Variants in GEMIN5 observed in about 807,000 individuals in gnomAD.
GEMIN5 encodes gem nuclear organelle associated protein 5.
A neutral mutation model predicts 176.9 loss-of-function variants in GEMIN5; 124 were observed. The observed-to-expected ratio is 0.70, with a 90% confidence interval of 0.61 to 0.81. The LOEUF is 0.81. Among genes scored for constraint, GEMIN5 ranks in the 40% least tolerant of loss-of-function variants. GEMIN5 has a pLI of 0.00. For synonymous variants in GEMIN5, 673 were observed against 665.2 expected (o/e 1.01, Z -0.18); for missense variants, 1,843 against 1,814.6 (o/e 1.02, Z -0.28).
At chr5:154,924,716 G>A (rs1312483397) in intron 8 of GEMIN5, among the ~76,000 whole-genome samples, 162 bp from the exon 9 acceptor site, 2 of 152,184 alleles carry the variant, frequency 1.3e-5, no homozygotes, top group Admixed American at 6.5e-5. Flanking sequence ...TCGGCCGGGC[G>A]CAGTGGCTCA....
In GEMIN5 at chr5:154,917,946, A is replaced by G; in HGVS notation, c.1658T>C (p.Leu553Pro). 6.2e-7 allele frequency: 1 copy of G among 1,609,756 alleles called. No individual in the cohort carries two copies. Among genetic ancestry groups the G allele is most frequent in the Non-Finnish European group, 8.5e-7 (1 of 1,176,120 alleles). Residue 553 changes from leucine to proline, a missense_variant, in exon 12 of 28, where the codon CTT (leucine) becomes CCT (proline). By Grantham distance (98) the Leu-to-Pro change is moderately conservative. Coordinates refer to ENST00000285873, the MANE Select transcript of GEMIN5 (RefSeq NM_015465.5). ...SWKADGKIMALGNEDGSIEIF... is the reference protein window; with the variant it reads ...SWKADGKIMAPGNEDGSIEIF... ...AAATACATACCCATCTTCATTGCCAAGAGCCATGATTTTGCCATCTGCTTT... is the reference window on the plus strand; with the variant it reads ...AAATACATACCCATCTTCATTGCCAGGAGCCATGATTTTGCCATCTGCTTT...
At chr5:154,936,826 G>C (rs1764279275) in intron 2 of GEMIN5, among the ~76,000 whole-genome samples, 199 bp downstream of exon 2, 1 of 152,218 alleles carries the variant, frequency 6.6e-6, no homozygotes, top group African/African-American at 2.4e-5. Context: ...AACAGGCACA[G>C]AGCAGTTTGC....
rs752843263 is a variant in GEMIN5, at chr5:154,907,639, C to G, written c.2347G>C (p.Glu783Gln). Residue 783 changes from glutamate (E) to glutamine (Q), a missense_variant, in exon 16 of 28, where the codon GAG becomes CAG. Coordinates refer to ENST00000285873, the MANE Select transcript of GEMIN5 (RefSeq NM_015465.5). ...VENGVSDQEG[E>Q]EQAREPELPC... ...AATTCCGGCTCCCGTGCTTGCTCCT[C>G]CCCTTCTTGGTCTGACACACCATTC... The G allele has an allele frequency of 6.2e-7, 1 of 1,614,032 alleles. No individual in the cohort carries two copies. Among genetic ancestry groups the G allele is most frequent in the South Asian group, 1.1e-5 (1 of 91,076 alleles).
Position 154,925,891 on chromosome 5 carries a change from A to C in GEMIN5, c.1264T>G (p.Trp422Gly), listed in dbSNP as rs201252889. The change falls in exon 8 of 28, where the codon TGG becomes GGG. Residue 422 changes from tryptophan (W) to glycine (G), a missense_variant. Trp to Gly is a radical substitution (Grantham distance 184, BLOSUM62 -2). Coordinates refer to ENST00000285873, the MANE Select transcript of GEMIN5 (RefSeq NM_015465.5). ...GTAACCTTGGACTTCACGCCTTGCCAAAAATTTTTCACATCATAGTTGTTC... is the reference window on the plus strand; with the variant it reads ...GTAACCTTGGACTTCACGCCTTGCCCAAAATTTTTCACATCATAGTTGTTC... The part of the protein sequence containing the change: ...IKNNYDVKNF[W>G]QGVKSKVTAL... 3 of 1,613,112 alleles carry C rather than the reference A, an allele frequency of 1.9e-6. No homozygotes were observed. Among genetic ancestry groups the C allele is most frequent in the African/African-American group, 1.3e-5 (1 of 75,040 alleles).
At chr5:154,925,248 G>C (rs1012145608) in intron 8 of GEMIN5, among the ~76,000 whole-genome samples, 2 of 152,170 alleles carry the variant, frequency 1.3e-5, no homozygotes, top group African/African-American at 2.4e-5. Flanking sequence ...AATTTGAAAA[G>C]ATAGATCATA....
At chr5:154,926,747 A>G (rs1464115114) in intron 7 of GEMIN5, among the ~76,000 whole-genome samples, 1 of 152,172 alleles carries the variant, frequency 6.6e-6, no homozygotes, top group African/African-American at 2.4e-5. Context: ...GGCCACACAA[A>G]AAGTACACTA....
chr5:154,921,290 A>T (rs1275846953), intron 10 of GEMIN5, 53 bp downstream of exon 10: 1 of 847,378 alleles, frequency 1.2e-6, no homozygotes, highest in Non-Finnish European at 2.1e-6. Context: ...TTTTAGGATT[A>T]AACTGAAGGA....
In GEMIN5 at chr5:154,921,331, T is replaced by C; in HGVS notation, c.1462+12A>G. 5 of 1,052,158 alleles carry C rather than the reference T, an allele frequency of 4.8e-6. No homozygotes were observed. Among genetic ancestry groups the C allele is most frequent in the Non-Finnish European group, 7.5e-6 (5 of 670,188 alleles). 65.2% of individuals were successfully genotyped at this position (1,052,158 alleles called of 1,614,324 possible). A position where few individuals can be genotyped will look rare whatever the true frequency, so the allele number is the denominator to read the frequency against. On this transcript the variant is annotated intron_variant, in intron 10 of 27. Transcript: ENST00000285873. ...ACTCTCATATTTGTTATGGAATTGT[T>C]CAGATACTTACCAAGTGACATGGGG...
intron 21 of GEMIN5, among the ~76,000 whole-genome samples, chr5:154,900,903 A>C (rs1206316316): frequency 3.3e-5 from 5 of 152,228 alleles, no homozygotes; most frequent in African/African-American, 1.2e-4. Flanking sequence ...AGAATATGAT[A>C]AACTTGCCCT....
At position 154,938,208 on chromosome 5, in the gene GEMIN5, G is replaced by T; in HGVS notation, c.-75C>A. On this transcript the variant is annotated 5_prime_UTR_variant, in exon 1 of 28. Coordinates refer to ENST00000285873, the MANE Select transcript of GEMIN5 (RefSeq NM_015465.5). ...AGCCTCACGCCTTAGGTAGGGAGCGGGGCGGGGTGAACTCCGAGCCCCGCC... is the reference window on the plus strand; with the variant it reads ...AGCCTCACGCCTTAGGTAGGGAGCGTGGCGGGGTGAACTCCGAGCCCCGCC... 1 of 1,212,062 alleles carries T rather than the reference G, an allele frequency of 8.3e-7. No homozygotes were observed. The highest frequency in any genetic ancestry group is 1.1e-6 in the Non-Finnish European group (1 of 939,486). 75.1% of individuals were successfully genotyped at this position (1,212,062 alleles called of 1,614,324 possible). A position where few individuals can be genotyped will look rare whatever the true frequency, so the allele number is the denominator to read the frequency against.
At chr5:154,937,328 T>C in intron 1 of GEMIN5, 143 bp from the exon 2 acceptor site, 1 of 671,014 alleles carries the variant, frequency 1.5e-6, no homozygotes, top group Non-Finnish European at 2.5e-6. Context: ...GGACTTACAC[T>C]CAGAATTCCC....
intron 24 of GEMIN5, among the ~76,000 whole-genome samples, chr5:154,893,952 T>C (rs530448285): frequency 6.6e-6 from 1 of 152,280 alleles, no homozygotes; most frequent in African/African-American, 2.4e-5. Context: ...TCCTTTTTAC[T>C]TTCTTTTTTT....
At position 154,911,642 on chromosome 5, in the gene GEMIN5, G is replaced by A. The variant is rs1763701430; in HGVS notation, c.2167+85C>T. 7.5e-6 allele frequency: 9 copies of A among 1,206,020 alleles called. No homozygotes were observed. In the South Asian group the frequency reaches 9.8e-5, roughly 13 times the overall value. The allele number at this position is 1,206,020 out of a possible 1,614,324, so 74.7% of individuals were successfully genotyped here. A position where few individuals can be genotyped will look rare whatever the true frequency, so the allele number is the denominator to read the frequency against. On this transcript the variant is annotated intron_variant, in intron 15 of 27. Coordinates refer to ENST00000285873, the MANE Select transcript of GEMIN5 (RefSeq NM_015465.5). ...CCCTACTGACACTAATGCCCTACAC[G>A]AATGTCTTCCTTGCTCAATCCTGAT...
intron 3 of GEMIN5, among the ~76,000 whole-genome samples, chr5:154,934,496 G>C (rs924397867): frequency 2.0e-5 from 3 of 152,072 alleles, no homozygotes; most frequent in Non-Finnish European, 4.4e-5. Context: ...ATTTTTAGTA[G>C]AGATGGGGCT....
chr5:154,889,046 T>C (rs1763167281), intron 27 of GEMIN5, among the ~76,000 whole-genome samples: 1 of 152,006 alleles, frequency 6.6e-6, no homozygotes, highest in Admixed American at 6.6e-5. Context: ...CCGGCTAATA[T>C]TTTGTATTTT....
chr5:154,925,670 G>A (rs1274876993), intron 8 of GEMIN5, among the ~76,000 whole-genome samples, 192 bp downstream of exon 8: 2 of 152,126 alleles, frequency 1.3e-5, no homozygotes, highest in East Asian at 1.9e-4. Context: ...GATGAACAGA[G>A]CCTTAATAAA....
chr5:154,890,496 GGTCT>G (rs1315072699), intron 26 of GEMIN5, among the ~76,000 whole-genome samples: 4 of 148,724 alleles, frequency 2.7e-5, no homozygotes, highest in Non-Finnish European at 5.9e-5. Context: ...GTAGAGACAG[GGTCT>G]GTCAACCAGG....
In GEMIN5 at chr5:154,938,198, G is replaced by C. The variant is rs1764314196; in HGVS notation, c.-65C>G. On this transcript the variant is annotated 5_prime_UTR_variant, in exon 1 of 28. Coordinates refer to ENST00000285873, the MANE Select transcript of GEMIN5 (RefSeq NM_015465.5). The stretch of plus-strand genomic sequence containing the variant: ...GACCGCTCGTAGCCTCACGCCTTAG[G>C]TAGGGAGCGGGGCGGGGTGAACTCC... 1 of 1,250,608 alleles carries C rather than the reference G, an allele frequency of 8.0e-7. No homozygotes were observed. Among genetic ancestry groups the C allele is most frequent in the Admixed American group, 4.1e-5 (1 of 24,338 alleles). The allele number at this position is 1,250,608 out of a possible 1,614,324, so 77.5% of individuals were successfully genotyped here.
chr5:154,905,526 C>A, intron 16 of GEMIN5, 50 bp from the exon 17 acceptor site: 2 of 828,852 alleles, frequency 2.4e-6, no homozygotes, highest in Non-Finnish European at 3.9e-6. Flanking sequence ...AACAATAATA[C>A]AGAATTTCAG....
Sources: allele counts gnomAD v4.1 joint callset (sites outside exome capture counted in the v4.1 genomes callset), GRCh38; gene constraint gnomAD v4.1.1; transcripts MANE v1.5; gene names NCBI Gene and HGNC (gene_info 2026-07-23, HGNC 2026-07-21).